The following KPNB1 variants were observed in gnomAD, a reference collection of about 807,000 sequenced individuals.
KPNB1 encodes the protein karyopherin subunit beta 1.
KPNB1 carries 7 observed loss-of-function variants against 113.0 expected under a neutral mutation model. The observed-to-expected ratio is 0.06, with a 90% CI of 0.04 to 0.12. KPNB1 has a LOEUF of 0.12. Ranked by LOEUF, KPNB1 falls within the 10% of genes least tolerant of loss-of-function variation. The pLI is 1.00. For missense variants in KPNB1, 400 were observed against 1,054.8 expected, an observed-to-expected ratio of 0.38 and a Z score of 8.60; for synonymous variants, 363 against 378.6, an observed-to-expected ratio of 0.96 and a Z score of 0.48.
rs1329984949 is a variant in KPNB1 at position 47,675,382 on chromosome 17, TTTGTTTG to T, written c.1912+603_1912+609del. Among the ~76,000 whole-genome samples, 245 of 106,516 alleles carry T rather than the reference TTTGTTTG, an allele frequency of 2.3e-3. 32 individuals carry two copies. Among genetic ancestry groups the T allele is most frequent in the Non-Finnish European group, 3.4e-3 (178 of 52,566 alleles). The allele number at this position is 106,516 out of a possible 152,430, so 69.9% of individuals were successfully genotyped here. The stretch of plus-strand genomic sequence containing the variant: ...TGTTGTTTTTTTTTTGTTTTTTTTT[TTTGTTTG>T]TTTTTTTTTTGAGACTTGTTCTGTT... On this transcript the variant is annotated intron_variant, in intron 15 of 21. Coordinates refer to ENST00000290158, the MANE Select transcript of KPNB1 (RefSeq NM_002265.6).
chr17:47,669,349 T>C (rs1372970009), intron 10 of KPNB1, among the ~76,000 whole-genome samples: 1 of 152,172 alleles, frequency 6.6e-6, no homozygotes, highest in East Asian at 1.9e-4. Flanking sequence ...AAGCAACTCC[T>C]GACCTCAAGT....
At chr17:47,679,310 T>C (rs929046629) in intron 19 of KPNB1, among the ~76,000 whole-genome samples, 1 of 152,176 alleles carries the variant, frequency 6.6e-6, no homozygotes, top group Non-Finnish European at 1.5e-5. Context: ...CCAACATAAA[T>C]GCTTCCTGTA....
intron 10 of KPNB1, among the ~76,000 whole-genome samples, chr17:47,668,951 G>A (rs2030368633): frequency 6.6e-6 from 1 of 150,900 alleles, no homozygotes; most frequent in Non-Finnish European, 1.5e-5. Flanking sequence ...TGGGCAACGA[G>A]CGAAACTCTA....
At chr17:47,662,433 G>A (rs2030131405) in intron 6 of KPNB1, among the ~76,000 whole-genome samples, 1 of 152,066 alleles carries the variant, frequency 6.6e-6, no homozygotes, top group Admixed American at 6.6e-5. Context: ...AAGATTAGCT[G>A]TGCGTGATGG....
At chr17:47,677,160 C>A in intron 17 of KPNB1, 33 bp downstream of exon 17, 2 of 1,455,158 alleles carry the variant, frequency 1.4e-6, no homozygotes, top group Non-Finnish European at 1.9e-6. Context: ...ATTAACCAGT[C>A]TTCTTTGAAG....
intron 10 of KPNB1, among the ~76,000 whole-genome samples, chr17:47,669,453 T>G (rs56144785): frequency 0.031 from 4,772 of 152,292 alleles, 99 homozygotes; most frequent in Non-Finnish European, 0.049. Flanking sequence ...TGCAGACTAC[T>G]AAAAGCATTT....
At position 47,673,260 on chromosome 17, in the gene KPNB1, TTAAG is replaced by T. The variant is rs545745070; in HGVS notation, c.1695+98_1695+101del. ...CCAGACTGTTCTGTCTTTTTAGTGT[TTAAG>T]TATATATTTTCTCAGAAAGATAATA... On this transcript the variant is annotated intron_variant, in intron 13 of 21. Transcript: ENST00000290158. 2.2e-4 allele frequency: 271 copies of T among 1,216,924 alleles called. 1 individual carries two copies. In the African/African-American group the frequency reaches 3.7e-3, roughly 17 times the overall value. 75.4% of individuals were successfully genotyped at this position (1,216,924 alleles called of 1,614,324 possible). A position where few individuals can be genotyped will look rare whatever the true frequency, so the allele number is the denominator to read the frequency against.
intron 2 of KPNB1, among the ~76,000 whole-genome samples, 175 bp from the exon 3 acceptor site, chr17:47,652,519 A>G (rs1326835522): frequency 6.6e-6 from 1 of 152,172 alleles, no homozygotes; most frequent in South Asian, 2.1e-4. Flanking sequence ...TAACATTTTT[A>G]TAGAAGTCAG....
intron 16 of KPNB1, among the ~76,000 whole-genome samples, 169 bp downstream of exon 16, chr17:47,676,660 A>C (rs2030622313): frequency 6.6e-6 from 1 of 152,234 alleles, no homozygotes; most frequent in Admixed American, 6.5e-5. Context: ...AGTCCATGAA[A>C]AACAGGATAT....
chr17:47,676,586 T>C, intron 16 of KPNB1, 95 bp downstream of exon 16: 2 of 890,520 alleles, frequency 2.2e-6, no homozygotes, highest in African/African-American at 1.7e-5. Context: ...AAGTAGTTTT[T>C]CCTGATACAT....
At chr17:47,654,671 G>A (rs1015055243) in intron 3 of KPNB1, among the ~76,000 whole-genome samples, 11 of 152,110 alleles carry the variant, frequency 7.2e-5, no homozygotes, top group African/African-American at 2.4e-4. Flanking sequence ...TTAGTACTCA[G>A]GAGGTGGACA....
rs1567894260 is a variant in KPNB1, at chr17:47,675,361, G to GTTGTTTTTTTTTTTTTTTT, written c.1912+581_1912+582insGTTTTTTTTTTTTTTTTTT. ...TGCAACGGAGATTGGCAGAGGTGTT[G>GTTGTTTTTTTTTTTTTTTT]TTTTTTTTTTGTTTTTTTTTTTTGT... On this transcript the variant is annotated intron_variant, in intron 15 of 21. Transcript: ENST00000290158. Among the ~76,000 whole-genome samples the GTTGTTTTTTTTTTTTTTTT allele has an allele frequency of 1.1e-4, 10 of 88,692 alleles. 1 individual carries two copies. Among genetic ancestry groups the GTTGTTTTTTTTTTTTTTTT allele is most frequent in the Non-Finnish European group, 2.3e-4 (10 of 43,326 alleles). 58.2% of individuals were successfully genotyped at this position (88,692 alleles called of 152,430 possible).
intron 19 of KPNB1, among the ~76,000 whole-genome samples, chr17:47,678,830 A>T (rs1174778646): frequency 6.6e-6 from 1 of 150,994 alleles, no homozygotes; most frequent in Admixed American, 6.6e-5. Flanking sequence ...CTGGTCTTGA[A>T]CTCCTGATCT....
In KPNB1 at chr17:47,670,833, G is replaced by T; in HGVS notation, c.1547+1G>T. 6.3e-7 allele frequency: 1 copy of T among 1,594,636 alleles called. No individual in the cohort carries two copies. ...AGAAGCTCCTAGAGACTACAGACAG[G>T]TAACTGATATTTCACAGAAATGAGT... is the stretch of plus-strand genomic sequence containing the variant. On this transcript the variant is annotated splice_donor_variant, in intron 12 of 21. Transcript: ENST00000290158. LOFTEE classifies it high-confidence loss of function.
intron 19 of KPNB1, 24 bp from the exon 20 acceptor site, chr17:47,679,996 C>T (rs1184598911): frequency 1.9e-6 from 3 of 1,543,112 alleles, no homozygotes; most frequent in Non-Finnish European, 1.8e-6. Context: ...CGCACCCGAC[C>T]AATACCTTCT....
intron 2 of KPNB1, chr17:47,651,407 C>T: frequency 4.3e-6 from 4 of 932,102 alleles, no homozygotes; most frequent in Non-Finnish European, 5.1e-6. Context: ...GTAACACTAA[C>T]CATATGTGTT....
At position 47,664,147 on chromosome 17, in the gene KPNB1, TTTC is replaced by T; in HGVS notation, c.787-6_787-4del. On this transcript the variant is annotated splice_polypyrimidine_tract_variant and intron_variant, in intron 7 of 21. Transcript: ENST00000290158. ...GTACTTATTTGGGGCCTGGGGTGTT[TTTC>T]TTCTTAAGATCACAATCGAAGCAAT... 2 of 1,595,912 alleles carry T rather than the reference TTTC, an allele frequency of 1.3e-6. No individual in the cohort carries two copies. Among genetic ancestry groups the T allele is most frequent in the South Asian group, 2.2e-5 (2 of 90,636 alleles).
chr17:47,673,120 G>A lies in KPNB1; in HGVS notation c.1650G>A (p.Thr550=), dbSNP rs111692950. 1.2e-5 allele frequency: 19 copies of A among 1,614,040 alleles called. No individual in the cohort carries two copies. The highest frequency in any genetic ancestry group is 1.4e-5 in the Non-Finnish European group (17 of 1,180,032). The change falls in exon 13 of 22, where the codon ACG becomes ACA. Residue 550 remains threonine (T), a synonymous_variant. Transcript: ENST00000290158. ...ATTGTTATCCTGCTGTCCAGAAAACGACTTTGGTCATCATGGAACGACTGC... is the reference window on the plus strand; with the variant it reads ...ATTGTTATCCTGCTGTCCAGAAAACAACTTTGGTCATCATGGAACGACTGC... ...AKDCYPAVQK[T]TLVIMERLQQ...
chr17:47,673,694 T>G (rs1288656535), intron 14 of KPNB1, 133 bp downstream of exon 14: 5 of 708,894 alleles, frequency 7.1e-6, no homozygotes, highest in Non-Finnish European at 1.2e-5. Context: ...TCAGAAGGCT[T>G]TGGTCTGTGA....
Sources: gnomAD v4.1 joint callset for allele counts (sites outside exome capture counted in the v4.1 genomes callset) on GRCh38, gnomAD v4.1.1 for gene constraint, MANE v1.5 for transcripts, NCBI Gene and HGNC (gene_info 2026-07-23, HGNC 2026-07-21) for gene names.